The following LIN52 variants were observed in gnomAD, a reference collection of about 807,000 sequenced individuals.
LIN52 encodes the protein protein lin-52 homolog.
Under a neutral mutation model 18.5 loss-of-function variants are expected in LIN52, and 4 were observed. That is an observed-to-expected ratio of 0.22 (90% CI 0.11 to 0.49). LIN52 has a LOEUF of 0.49. Among genes scored for constraint, LIN52 ranks in the 20% least tolerant of loss-of-function variants. LIN52 has a pLI of 0.97. For missense variants in LIN52, 102 were observed against 139.5 expected (o/e 0.73, Z 1.35); for synonymous variants, 34 against 45.5 (o/e 0.75, Z 1.02).
intron 5 of LIN52, among the ~76,000 whole-genome samples, chr14:74,170,167 G>A (rs2061264483): frequency 6.6e-6 from 1 of 152,190 alleles, no homozygotes; most frequent in Admixed American, 6.5e-5. Flanking sequence ...AAAAGCAAGA[G>A]ACAAAGTTGT....
At chr14:74,181,483 CTAAT>C (rs1033788850) in intron 5 of LIN52, among the ~76,000 whole-genome samples, 3 of 151,454 alleles carry the variant, frequency 2.0e-5, no homozygotes, top group African/African-American at 4.8e-5. Context: ...ATACTAGAAT[CTAAT>C]TAACCAGATT....
chr14:74,143,712 A>G (rs961694026), intron 5 of LIN52, among the ~76,000 whole-genome samples: 2 of 152,162 alleles, frequency 1.3e-5, no homozygotes, highest in African/African-American at 4.8e-5. Context: ...CAATTCACAT[A>G]TGTTGTATAA....
At chr14:74,162,265 C>T (rs2061228703) in intron 5 of LIN52, among the ~76,000 whole-genome samples, 1 of 152,040 alleles carries the variant, frequency 6.6e-6, no homozygotes, top group Admixed American at 6.6e-5. Flanking sequence ...CATTTGAGAT[C>T]AGGAGTTTGA....
chr14:74,145,433 A>G (rs1490382318), intron 5 of LIN52, among the ~76,000 whole-genome samples: 1 of 152,228 alleles, frequency 6.6e-6, no homozygotes, highest in Non-Finnish European at 1.5e-5. Flanking sequence ...ACAGTATGCC[A>G]GTAAGCATCC....
chr14:74,114,022 C>T (rs1423424121), intron 5 of LIN52: 5 of 331,380 alleles, frequency 1.5e-5, no homozygotes, highest in Admixed American at 6.5e-5. Context: ...CCTCTGTCAC[C>T]CAGGCTGGAG....
chr14:74,104,044 T>G (rs957174366), intron 5 of LIN52, among the ~76,000 whole-genome samples: 2 of 151,410 alleles, frequency 1.3e-5, no homozygotes, highest in African/African-American at 4.9e-5. Flanking sequence ...GATTACAGGC[T>G]CATGCCACCA....
rs1438864585 is a variant in LIN52, at chr14:74,199,571, C to G, written c.*594C>G. The G allele has an allele frequency of 6.6e-6, 1 of 152,134 alleles. No individual in the cohort carries two copies. Among genetic ancestry groups the G allele is most frequent in the African/African-American group, 2.4e-5 (1 of 41,408 alleles). The allele number at this position is 152,134 out of a possible 1,614,324, so 9.4% of individuals were successfully genotyped here. A position where few individuals can be genotyped will look rare whatever the true frequency, so the allele number is the denominator to read the frequency against. On this transcript the variant is annotated 3_prime_UTR_variant, in exon 6 of 6. Transcript: ENST00000555028. ...AACTTCTATACCTCTTATGATAGTCCCATTTGCTTTTCATTCCTTACTTCC... is the reference window on the plus strand; with the variant it reads ...AACTTCTATACCTCTTATGATAGTCGCATTTGCTTTTCATTCCTTACTTCC...
intron 5 of LIN52, among the ~76,000 whole-genome samples, chr14:74,194,988 T>G (rs1193523214): frequency 6.6e-6 from 1 of 152,016 alleles, no homozygotes; most frequent in African/African-American, 2.4e-5. Context: ...GTACCAAAAA[T>G]ACAAAGAATT....
intron 5 of LIN52, among the ~76,000 whole-genome samples, chr14:74,138,588 A>G (rs2061111072): frequency 6.6e-6 from 1 of 152,086 alleles, no homozygotes; most frequent in Non-Finnish European, 1.5e-5. Context: ...CTCCATCTCT[A>G]CAGAAAAATT....
At chr14:74,144,686 A>G (rs1803750829) in intron 5 of LIN52, among the ~76,000 whole-genome samples, 1 of 152,200 alleles carries the variant, frequency 6.6e-6, no homozygotes, top group African/African-American at 2.4e-5. Context: ...CAAGTTTGTG[A>G]TAACTCATAG....
chr14:74,118,493 G>A (rs918093033), intron 5 of LIN52, among the ~76,000 whole-genome samples: 10 of 152,152 alleles, frequency 6.6e-5, no homozygotes, highest in Non-Finnish European at 1.5e-4. Context: ...AGAACGTTGC[G>A]CCTGGTGCTG....
chr14:74,096,156 G>A (rs2060811003), intron 3 of LIN52, among the ~76,000 whole-genome samples, 171 bp downstream of exon 3: 1 of 152,110 alleles, frequency 6.6e-6, no homozygotes, highest in Non-Finnish European at 1.5e-5. Flanking sequence ...CACTTACCAA[G>A]TTCAAGCGAT....
At chr14:74,138,451 A>G (rs1162518952) in intron 5 of LIN52, among the ~76,000 whole-genome samples, 1 of 152,166 alleles carries the variant, frequency 6.6e-6, no homozygotes, top group Admixed American at 6.5e-5. Context: ...TTTAGTGTGG[A>G]ACTGAGATAT....
chr14:74,170,501 A>C (rs1283085602), intron 5 of LIN52, among the ~76,000 whole-genome samples: 2 of 91,584 alleles, frequency 2.2e-5, no homozygotes, highest in Admixed American at 1.3e-4. Context: ...CCAAATTACC[A>C]ACCTCAAAAA....
intron 5 of LIN52, among the ~76,000 whole-genome samples, chr14:74,188,159 C>G (rs2061348433): frequency 6.6e-6 from 1 of 152,128 alleles, no homozygotes; most frequent in Admixed American, 6.6e-5. Flanking sequence ...CTAGAACTAG[C>G]TGCAGTTAAA....
At chr14:74,169,644 A>G (rs2061262832) in intron 5 of LIN52, among the ~76,000 whole-genome samples, 1 of 152,200 alleles carries the variant, frequency 6.6e-6, no homozygotes, top group African/African-American at 2.4e-5. Flanking sequence ...AAAGAAAGCA[A>G]ATTTCTCTCA....
chr14:74,134,293 GC>G (rs1237289649), intron 5 of LIN52, among the ~76,000 whole-genome samples: 1 of 152,184 alleles, frequency 6.6e-6, no homozygotes, highest in Admixed American at 6.5e-5. Flanking sequence ...TGTTTTACAG[GC>G]CTCTCTTGGG....
At chr14:74,143,106 G>A (rs2061138924) in intron 5 of LIN52, among the ~76,000 whole-genome samples, 1 of 151,930 alleles carries the variant, frequency 6.6e-6, no homozygotes, top group Non-Finnish European at 1.5e-5. Context: ...AGCGGGATGT[G>A]CATTTGAAAT....
intron 5 of LIN52, among the ~76,000 whole-genome samples, chr14:74,153,099 C>T (rs2061183918): frequency 6.6e-6 from 1 of 151,916 alleles, no homozygotes; most frequent in Admixed American, 6.6e-5. Flanking sequence ...CTAGTGCGTG[C>T]AATTACTAAT....
Sources: allele counts gnomAD v4.1 joint callset (sites outside exome capture counted in the v4.1 genomes callset), GRCh38; gene constraint gnomAD v4.1.1; transcripts MANE v1.5; gene names NCBI Gene and HGNC (gene_info 2026-07-23, HGNC 2026-07-21).